Variants in ADGRV1 observed in about 807,000 individuals in gnomAD.
ADGRV1 encodes the protein G-protein coupled receptor 98.
Under a neutral mutation model 596.2 loss-of-function variants are expected in ADGRV1, and 359 were observed. The ratio of observed to expected loss-of-function variants is 0.60; its 90% CI spans 0.55 to 0.66. The LOEUF is 0.66. ADGRV1 is among the 30% of genes least tolerant of loss of function. ADGRV1 has a pLI of 0.00. For synonymous variants in ADGRV1, 2,681 were observed against 2,679.2 expected (o/e 1.00, Z -0.02); for missense variants, 7,274 against 7,575.6 (o/e 0.96, Z 1.48).
intron 1 of ADGRV1, among the ~76,000 whole-genome samples, chr5:90,613,632 C>T (rs530132654): frequency 6.6e-6 from 1 of 152,200 alleles, no homozygotes; most frequent in South Asian, 2.1e-4. Flanking sequence ...TCCCTGTTAG[C>T]TTATATCCCT....
At chr5:90,595,210 G>A (rs1337405457) in intron 1 of ADGRV1, among the ~76,000 whole-genome samples, 1 of 57,602 alleles carries the variant, frequency 1.7e-5, no homozygotes, top group African/African-American at 9.2e-5. Context: ...CCGGGCGGGG[G>A]GCTGACCCCC....
At chr5:91,007,961 T>C (rs1368383424) in intron 85 of ADGRV1, among the ~76,000 whole-genome samples, 2 of 152,088 alleles carry the variant, frequency 1.3e-5, no homozygotes, top group Non-Finnish European at 2.9e-5. Flanking sequence ...TTACTCAACT[T>C]TCAAGGTCTA....
At chr5:90,719,924 C>T (rs1441918001) in intron 43 of ADGRV1, 124 bp from the exon 44 acceptor site, 7 of 742,526 alleles carry the variant, frequency 9.4e-6, no homozygotes, top group Admixed American at 4.5e-5. Flanking sequence ...AGTATTAAAT[C>T]AAAGTGAGAT....
chr5:90,928,916 T>TG (rs1346236884), intron 83 of ADGRV1, among the ~76,000 whole-genome samples: 1 of 144,890 alleles, frequency 6.9e-6, no homozygotes, highest in Non-Finnish European at 1.5e-5. Flanking sequence ...GTGCCCCTGC[T>TG]GGGGGGTGCC....
At chr5:90,750,408 GT>G (rs1375836540) in intron 52 of ADGRV1, 142 bp from the exon 53 acceptor site, 1 of 591,178 alleles carries the variant, frequency 1.7e-6, no homozygotes, top group African/African-American at 1.8e-5. Context: ...CTATATGACT[GT>G]TTTTTAATTG....
chr5:91,080,324 G>C (rs1441281046), intron 86 of ADGRV1, among the ~76,000 whole-genome samples: 1 of 151,978 alleles, frequency 6.6e-6, no homozygotes, highest in Non-Finnish European at 1.5e-5. Context: ...ATTTCCTCTA[G>C]TCAGACAAGG....
rs1766012649 is a variant in ADGRV1, at chr5:90,635,193, C to T, written c.1919C>T (p.Ser640Phe). 6.2e-7 allele frequency: 1 copy of T among 1,612,742 alleles called. No homozygotes were observed. Among genetic ancestry groups the T allele is most frequent in the African/African-American group, 1.3e-5 (1 of 74,902 alleles). Residue 640 changes from serine to phenylalanine, a missense_variant, in exon 10 of 90, where the codon TCT becomes TTT. Transcript: ENST00000405460. ...AGATTTGGGGAAATCTGCAATATTT[C>T]TTTACTGGTTACTCCAGCCATTGCA... ...SPRFGEICNI[S>F]LLVTPAIANG...
At chr5:90,693,354 T>G (rs1473334034) in intron 32 of ADGRV1, among the ~76,000 whole-genome samples, 1 of 152,166 alleles carries the variant, frequency 6.6e-6, no homozygotes, top group Non-Finnish European at 1.5e-5. Flanking sequence ...TCCATATACT[T>G]TAAATCATCT....
intron 86 of ADGRV1, among the ~76,000 whole-genome samples, chr5:91,075,229 G>C (rs1348440794): frequency 6.6e-6 from 1 of 152,020 alleles, no homozygotes; most frequent in Non-Finnish European, 1.5e-5. Context: ...ATCAACTTGG[G>C]ATTCATCTTA....
chr5:90,566,095 A>T (rs1046660262), intron 1 of ADGRV1, among the ~76,000 whole-genome samples: 1 of 151,256 alleles, frequency 6.6e-6, no homozygotes, highest in East Asian at 1.9e-4. Flanking sequence ...ATCATTTGCA[A>T]TTTTTTTTCA....
At chr5:90,922,960 A>T (rs904781400) in intron 83 of ADGRV1, among the ~76,000 whole-genome samples, 1 of 152,152 alleles carries the variant, frequency 6.6e-6, no homozygotes, top group Non-Finnish European at 1.5e-5. Context: ...TCTGCTACAT[A>T]GTGGCTCCTG....
At chr5:90,790,754 T>C (rs1759972143) in intron 69 of ADGRV1, 119 bp from the exon 70 acceptor site, 4 of 665,068 alleles carry the variant, frequency 6.0e-6, no homozygotes, top group Non-Finnish European at 9.9e-6. Flanking sequence ...TGGCTTTGAA[T>C]ATAGTGATGC....
chr5:90,855,618 G>A, intron 81 of ADGRV1, 123 bp from the exon 82 acceptor site: 1 of 616,676 alleles, frequency 1.6e-6, no homozygotes, highest in East Asian at 2.7e-5. Context: ...TCTTGAAAAT[G>A]TGGTCTACTT....
intron 83 of ADGRV1, among the ~76,000 whole-genome samples, chr5:90,908,654 G>A (rs546198336): frequency 1.1e-4 from 17 of 152,224 alleles, no homozygotes; most frequent in Admixed American, 6.5e-4. Flanking sequence ...CTAATCTTAT[G>A]TAAGTATATA....
rs144271943 is a variant in ADGRV1 at position 90,847,419 on chromosome 5, A to G, written c.17020-1218A>G. On this transcript the variant is annotated intron_variant, in intron 78 of 89. Transcript: ENST00000405460. The stretch of plus-strand genomic sequence containing the variant: ...ATCCCTTAGCTAGACATATTCTCCA[A>G]GTCCCCACCAGACTCAGGAGCCCAG... Among the ~76,000 whole-genome samples, 994 of 152,332 alleles carry G rather than the reference A, an allele frequency of 6.5e-3. 4 individuals carry two copies. The highest frequency in any genetic ancestry group is 8.2e-3 in the Non-Finnish European group (556 of 68,026).
At chr5:91,048,419 C>G (rs1215942675) in intron 85 of ADGRV1, among the ~76,000 whole-genome samples, 1 of 152,184 alleles carries the variant, frequency 6.6e-6, no homozygotes, top group African/African-American at 2.4e-5. Context: ...CTAACCACCT[C>G]TTTTTCTAGC....
intron 83 of ADGRV1, among the ~76,000 whole-genome samples, chr5:90,892,271 T>A (rs11956677): frequency 0.18 from 27,187 of 151,988 alleles, 3,701 homozygotes; most frequent in African/African-American, 0.36. Flanking sequence ...AAATTTGTTC[T>A]GTTCTAGTAC....
intron 81 of ADGRV1, among the ~76,000 whole-genome samples, chr5:90,854,803 G>A (rs988733640): frequency 6.6e-6 from 1 of 152,134 alleles, no homozygotes; most frequent in African/African-American, 2.4e-5. Flanking sequence ...TCAGCCACTT[G>A]ATTTTGTTTA....
chr5:90,727,396 C>A (rs974824748), intron 48 of ADGRV1, among the ~76,000 whole-genome samples: 4 of 152,150 alleles, frequency 2.6e-5, no homozygotes, highest in Admixed American at 2.0e-4. Context: ...TTTGTCTCTA[C>A]TCCTCCCTAC....
Sources: gnomAD v4.1 joint callset for allele counts (sites outside exome capture counted in the v4.1 genomes callset) on GRCh38, gnomAD v4.1.1 for gene constraint, MANE v1.5 for transcripts, NCBI Gene and HGNC (gene_info 2026-07-23, HGNC 2026-07-21) for gene names.